RUSC2: variants seen among roughly 807,000 people sequenced by gnomAD.
The protein encoded by RUSC2 is AP-4 complex accessory subunit RUSC2.
RUSC2 carries 34 observed loss-of-function variants against 122.2 expected under a neutral mutation model. The ratio of observed to expected loss-of-function variants is 0.28; its 90% CI spans 0.21 to 0.37. The LOEUF (loss-of-function observed/expected upper bound fraction) is 0.37. Ranked by LOEUF, RUSC2 falls within the 10% of genes least tolerant of loss-of-function variation. The pLI, the probability that RUSC2 is intolerant of heterozygous loss-of-function variation, is 1.00. For synonymous variants in RUSC2, 784 were observed against 790.0 expected, an observed-to-expected ratio of 0.99 and a Z score of 0.13; for missense variants, 1,747 against 1,952.4, an observed-to-expected ratio of 0.89 and a Z score of 1.98.
intron 1 of RUSC2, among the ~76,000 whole-genome samples, chr9:35,517,693 A>G (rs1821135123): frequency 6.6e-6 from 1 of 152,196 alleles, no homozygotes; most frequent in South Asian, 2.1e-4. Context: ...GCCTGAAAGA[A>G]GGGCACTGCA....
intron 1 of RUSC2, among the ~76,000 whole-genome samples, chr9:35,515,663 A>G (rs1024972420): frequency 6.6e-6 from 1 of 152,144 alleles, no homozygotes; most frequent in African/African-American, 2.4e-5. Context: ...TGTAAAATAG[A>G]GATAATAATA....
At position 35,536,158 on chromosome 9, in the gene RUSC2, A is replaced by G. The variant is rs188471758; in HGVS notation, c.-92-10272A>G. Among the ~76,000 whole-genome samples, 9 of 149,176 alleles carry G rather than the reference A, an allele frequency of 6.0e-5. No individual in the cohort carries two copies. In the East Asian group the frequency reaches 1.6e-3, roughly 26 times the overall value. ...ATGCAATGCAATGAGAAAGTACAGT[A>G]TGCTTTTTCTTATAAAATGATGATC... is the stretch of plus-strand genomic sequence containing the variant. On this transcript the variant is annotated intron_variant, in intron 1 of 11. Coordinates refer to ENST00000361226, the MANE Select transcript of RUSC2 (RefSeq NM_014806.5).
intron 1 of RUSC2, among the ~76,000 whole-genome samples, chr9:35,517,023 C>T (rs1158482721): frequency 6.6e-6 from 1 of 152,146 alleles, no homozygotes; most frequent in East Asian, 1.9e-4. Flanking sequence ...TCCATAGATA[C>T]ATACAATTAT....
intron 2 of RUSC2, among the ~76,000 whole-genome samples, chr9:35,550,184 T>C (rs1347015108): frequency 6.7e-6 from 1 of 148,898 alleles, no homozygotes; most frequent in East Asian, 2.0e-4. Flanking sequence ...CACTCCAGCC[T>C]GGGCAACAAG....
chr9:35,530,120 T>G (rs1679624807), intron 1 of RUSC2, among the ~76,000 whole-genome samples: 1 of 152,094 alleles, frequency 6.6e-6, no homozygotes, highest in Non-Finnish European at 1.5e-5. Context: ...CCCAGCTAAT[T>G]TTTGTATTTT....
chr9:35,517,302 C>T (rs1821126850), intron 1 of RUSC2, among the ~76,000 whole-genome samples: 1 of 152,130 alleles, frequency 6.6e-6, no homozygotes, highest in African/African-American at 2.4e-5. Context: ...GCAAACTAAC[C>T]CAATACTCAG....
Position 35,548,686 on chromosome 9 carries a change from C to T in RUSC2, c.2014+151C>T. On this transcript the variant is annotated intron_variant, in intron 2 of 11. Transcript: ENST00000361226. The surrounding 1 kb of genome is among the most constrained non-coding windows in gnomAD (Gnocchi z 4.5). ...TTATCCTTCTAGGCCAGGGCAGGAC[C>T]CACAGCTACAGTGGAATAGGCTCAC... 7.0e-7 allele frequency: 1 copy of T among 1,419,392 alleles called. No homozygotes were observed. Among genetic ancestry groups the T allele is most frequent in the Non-Finnish European group, 9.2e-7 (1 of 1,089,980 alleles). 87.9% of individuals were successfully genotyped at this position (1,419,392 alleles called of 1,614,324 possible).
intron 1 of RUSC2, among the ~76,000 whole-genome samples, chr9:35,534,694 G>T (rs1276733570): frequency 6.6e-6 from 1 of 152,122 alleles, no homozygotes; most frequent in Non-Finnish European, 1.5e-5. Context: ...TGTTGGCCAG[G>T]CTGGTCTCGA....
Position 35,561,291 on chromosome 9 carries a change from G to A in RUSC2, c.4460G>A (p.Cys1487Tyr). 6.2e-7 allele frequency: 1 copy of A among 1,614,114 alleles called. No individual in the cohort carries two copies. Among genetic ancestry groups the A allele is most frequent in the Non-Finnish European group, 8.5e-7 (1 of 1,180,018 alleles). ...LGRAGGDWLR[C>Y]SRGPDSGLVP... ...CGAGCTGGAGGAGACTGGCTGCGCT[G>A]CAGCCGTGGCCCCGACTCTGGCCTG... The change falls in exon 12 of 12, where the codon TGC becomes TAC. Residue 1487 changes from cysteine to tyrosine, a missense_variant. By Grantham distance (194) the Cys-to-Tyr change is radical (BLOSUM62 -2). Coordinates refer to ENST00000361226, the MANE Select transcript of RUSC2 (RefSeq NM_014806.5).
rs572344701 is a variant in RUSC2, at chr9:35,553,269, G to A, written c.2015-1791G>A. Among the ~76,000 whole-genome samples, 34 of 152,320 alleles carry A rather than the reference G, an allele frequency of 2.2e-4. No individual in the cohort carries two copies. The South Asian group carries it at 6.6e-3, about 30-fold the overall frequency. ...AAAATTTGTATCTCAGAAGCTAGTT[G>A]GTGTATGTAAGAAGCTTCTGGTTGT... On this transcript the variant is annotated intron_variant, in intron 2 of 11. Coordinates refer to ENST00000361226, the MANE Select transcript of RUSC2 (RefSeq NM_014806.5).
intron 1 of RUSC2, among the ~76,000 whole-genome samples, chr9:35,518,979 A>T (rs971769766): frequency 1.6e-4 from 24 of 152,128 alleles, no homozygotes; most frequent in African/African-American, 5.3e-4. Flanking sequence ...AACAGGGCCT[A>T]CCTGACTCAA....
intron 1 of RUSC2, among the ~76,000 whole-genome samples, chr9:35,502,233 A>G (rs1233201908): frequency 6.6e-6 from 1 of 152,144 alleles, no homozygotes; most frequent in Non-Finnish European, 1.5e-5. Context: ...TTAGATCTAA[A>G]CTCTGTTCTC....
At chr9:35,544,710 T>C (rs1821712446) in intron 1 of RUSC2, among the ~76,000 whole-genome samples, 1 of 152,216 alleles carries the variant, frequency 6.6e-6, no homozygotes, top group Non-Finnish European at 1.5e-5. Flanking sequence ...ATTTTATGGA[T>C]TGTCTTTTCA....
intron 1 of RUSC2, among the ~76,000 whole-genome samples, chr9:35,540,953 C>A (rs534697180): frequency 6.6e-6 from 1 of 152,166 alleles, no homozygotes; most frequent in African/African-American, 2.4e-5. Flanking sequence ...AAGGATTATG[C>A]CTACTTAAAA....
In RUSC2 at chr9:35,546,850, G is replaced by A; in HGVS notation, c.329G>A (p.Gly110Asp). The change falls in exon 2 of 12, where the codon GGT (glycine) becomes GAT (aspartate). Residue 110 changes from glycine to aspartate, a missense_variant. Coordinates refer to ENST00000361226, the MANE Select transcript of RUSC2 (RefSeq NM_014806.5). The surrounding 1 kb of genome is among the most constrained non-coding windows in gnomAD (Gnocchi z 4.3). ...HNPFLLQEGV[G>D]EPGLGDLYDD... is the part of the protein sequence containing the mutation. The stretch of plus-strand genomic sequence containing the variant: ...CCCTTCTTGCTGCAGGAGGGTGTGG[G>A]TGAGCCAGGACTTGGTGACCTGTAT... The A allele has an allele frequency of 1.2e-6, 2 of 1,609,696 alleles. No homozygotes were observed. Among genetic ancestry groups the A allele is most frequent in the African/African-American group, 1.3e-5 (1 of 74,992 alleles).
rs1269737142 is a variant in RUSC2 at position 35,557,797 on chromosome 9, A to C, written c.2984-117A>C. ...ATGTTTTGATAAGACCCATGTGCAGATGTGGAGACGGAGTAAGTGTGGGAG... is the reference window on the plus strand; with the variant it reads ...ATGTTTTGATAAGACCCATGTGCAGCTGTGGAGACGGAGTAAGTGTGGGAG... On this transcript the variant is annotated intron_variant, in intron 5 of 11. Transcript: ENST00000361226. This position sits in a 1 kb window ranked among gnomAD's most constrained non-coding sequence, Gnocchi z 4.6. 2 of 805,086 alleles carry C rather than the reference A, an allele frequency of 2.5e-6. No individual in the cohort carries two copies. Among genetic ancestry groups the C allele is most frequent in the African/African-American group, 3.4e-5 (2 of 59,394 alleles). The allele number at this position is 805,086 out of a possible 1,614,324, so 49.9% of individuals were successfully genotyped here.
chr9:35,558,330 A>G lies in RUSC2; in HGVS notation c.3194A>G (p.Lys1065Arg), dbSNP rs1822066650. The change falls in exon 7 of 12, where the codon AAG becomes AGG. Residue 1065 changes from lysine to arginine, a missense_variant. Physicochemically the swap from Lys to Arg is conservative, Grantham distance 26 (BLOSUM62 2). Transcript: ENST00000361226. The surrounding 1 kb of genome is among the most constrained non-coding windows in gnomAD (Gnocchi z 4.3). ...CTGGACGTCATCATCGGGCAGCGTA[A>G]GAACATGCCATGGAGTGTGGTTGAG... ...FVLDVIIGQR[K>R]NMPWSVVEAS... 1 of 1,614,174 alleles carries G rather than the reference A, an allele frequency of 6.2e-7. No individual in the cohort carries two copies. The highest frequency in any genetic ancestry group is 1.1e-5 in the South Asian group (1 of 91,080).
intron 1 of RUSC2, among the ~76,000 whole-genome samples, chr9:35,508,502 T>C (rs1022945966): frequency 6.6e-6 from 1 of 152,238 alleles, no homozygotes; most frequent in Non-Finnish European, 1.5e-5. Flanking sequence ...TCACTGTGCC[T>C]CTGGTCTTCT....
chr9:35,553,527 G>C (rs1286800773), intron 2 of RUSC2, among the ~76,000 whole-genome samples: 1 of 152,240 alleles, frequency 6.6e-6, no homozygotes, highest in African/African-American at 2.4e-5. Flanking sequence ...AAATGAAACA[G>C]GGTAATGGGA....
Sources: allele counts gnomAD v4.1 joint callset (sites outside exome capture counted in the v4.1 genomes callset), GRCh38; gene constraint gnomAD v4.1.1; non-coding constraint Gnocchi (gnomAD v3.1); transcripts MANE v1.5; gene names NCBI Gene and HGNC (gene_info 2026-07-23, HGNC 2026-07-21).